Variants in TBC1D5 observed in about 807,000 individuals in gnomAD.
The protein encoded by TBC1D5 is TBC1 domain family member 5, also known as TBC1 domain family, member 5.
A neutral mutation model predicts 100.3 loss-of-function variants in TBC1D5; 75 were observed. That is an observed-to-expected ratio of 0.75 (90% CI 0.62 to 0.91). The LOEUF (loss-of-function observed/expected upper bound fraction) is 0.91. Among genes scored for constraint, TBC1D5 ranks in the 40% least tolerant of loss-of-function variants. The pLI is 0.00. For synonymous variants in TBC1D5, 323 were observed against 325.6 expected, an observed-to-expected ratio of 0.99 and a Z score of 0.09; for missense variants, 910 against 942.4, an observed-to-expected ratio of 0.97 and a Z score of 0.45.
At chr3:17,467,088 C>T (rs1280798808) in intron 3 of TBC1D5, among the ~76,000 whole-genome samples, 1 of 151,966 alleles carries the variant, frequency 6.6e-6, no homozygotes, top group East Asian at 1.9e-4. Flanking sequence ...AGAAACCCGT[C>T]AAGAGTTCTC....
chr3:17,394,089 G>A (rs7642719), intron 8 of TBC1D5, among the ~76,000 whole-genome samples: 62,672 of 151,864 alleles, frequency 0.41, 13,601 homozygotes, highest in Middle Eastern at 0.47. Flanking sequence ...CCTACAGTGC[G>A]CAAAACAACC....
At chr3:17,540,073 T>C (rs1039201458) in intron 2 of TBC1D5, among the ~76,000 whole-genome samples, 1 of 152,324 alleles carries the variant, frequency 6.6e-6, no homozygotes, top group East Asian at 1.9e-4. Flanking sequence ...TAGTTTTGAT[T>C]TGGATTTTCC....
At chr3:17,459,134 A>G (rs888357305) in intron 3 of TBC1D5, among the ~76,000 whole-genome samples, 1 of 152,142 alleles carries the variant, frequency 6.6e-6, no homozygotes, top group Admixed American at 6.5e-5. Context: ...ACCATAGAGG[A>G]TATAAATATA....
intron 2 of TBC1D5, among the ~76,000 whole-genome samples, chr3:17,569,081 G>C (rs2096610605): frequency 6.6e-6 from 1 of 151,770 alleles, no homozygotes; most frequent in Admixed American, 6.6e-5. Flanking sequence ...CACAAAAAGA[G>C]AACAAGGGCA....
chr3:17,668,047 T>A (rs1371801164), intron 1 of TBC1D5, among the ~76,000 whole-genome samples: 1 of 151,216 alleles, frequency 6.6e-6, no homozygotes, highest in African/African-American at 2.4e-5. Flanking sequence ...GTAACAACAT[T>A]CTACATATGA....
intron 17 of TBC1D5, among the ~76,000 whole-genome samples, chr3:17,234,289 TA>T: frequency 6.6e-6 from 1 of 152,206 alleles, no homozygotes; most frequent in African/African-American, 2.4e-5. Context: ...CATGTAAAAA[TA>T]AACCTGTGAA....
intron 17 of TBC1D5, among the ~76,000 whole-genome samples, chr3:17,219,567 C>T (rs2074051069): frequency 6.6e-6 from 1 of 151,738 alleles, no homozygotes; most frequent in Admixed American, 6.6e-5. Flanking sequence ...GATCCTATTC[C>T]ACCATCTGAA....
intron 2 of TBC1D5, among the ~76,000 whole-genome samples, chr3:17,536,414 C>T (rs1052032276): frequency 9.2e-5 from 14 of 152,078 alleles, no homozygotes; most frequent in African/African-American, 3.1e-4. Context: ...CCAACTTATC[C>T]ATTTAAGTGT....
At chr3:17,313,495 A>G (rs566521141) in intron 13 of TBC1D5, among the ~76,000 whole-genome samples, 8 of 152,190 alleles carry the variant, frequency 5.3e-5, no homozygotes, top group Non-Finnish European at 1.2e-4. Context: ...AAAATTGCAT[A>G]TAGAGATTTG....
At chr3:17,464,696 T>C (rs1397810020) in intron 3 of TBC1D5, among the ~76,000 whole-genome samples, 2 of 152,202 alleles carry the variant, frequency 1.3e-5, no homozygotes, top group African/African-American at 4.8e-5. Context: ...TACCATGTGA[T>C]TAAAACCATA....
At chr3:17,531,273 A>G (rs2096220592) in intron 2 of TBC1D5, among the ~76,000 whole-genome samples, 1 of 152,220 alleles carries the variant, frequency 6.6e-6, no homozygotes, top group Admixed American at 6.5e-5. Flanking sequence ...AATCAAACTT[A>G]CAAGGGATGT....
chr3:17,552,197 A>C (rs953922785), intron 2 of TBC1D5, among the ~76,000 whole-genome samples: 2 of 152,242 alleles, frequency 1.3e-5, no homozygotes, highest in African/African-American at 4.8e-5. Context: ...AGAGAGAAAA[A>C]AAAAAAGGTA....
intron 19 of TBC1D5, among the ~76,000 whole-genome samples, chr3:17,178,300 C>T (rs1331106347): frequency 6.6e-6 from 1 of 151,996 alleles, no homozygotes; most frequent in Non-Finnish European, 1.5e-5. Flanking sequence ...CTCCTGACCT[C>T]GTGATCCACC....
chr3:17,699,562 A>T (rs111856569), intron 1 of TBC1D5, among the ~76,000 whole-genome samples: 12 of 147,556 alleles, frequency 8.1e-5, no homozygotes, highest in South Asian at 2.2e-4. Context: ...ATAGATTTTT[A>T]AAATTACCAT....
At chr3:17,574,565 C>T (rs1268621490) in intron 2 of TBC1D5, among the ~76,000 whole-genome samples, 2 of 152,040 alleles carry the variant, frequency 1.3e-5, no homozygotes, top group African/African-American at 2.4e-5. Context: ...AATCCCTTTG[C>T]CTTAGTCTCT....
intron 2 of TBC1D5, among the ~76,000 whole-genome samples, chr3:17,615,904 C>G (rs1185341471): frequency 1.3e-5 from 2 of 152,092 alleles, no homozygotes; most frequent in African/African-American, 4.8e-5. Flanking sequence ...CTTCTCTGAT[C>G]TTAGTTATTT....
intron 13 of TBC1D5, among the ~76,000 whole-genome samples, chr3:17,361,635 A>T (rs2091721653): frequency 1.3e-5 from 2 of 152,224 alleles, no homozygotes; most frequent in Admixed American, 6.5e-5. Flanking sequence ...AAGCAATACA[A>T]ATAACCCATG....
chr3:17,485,172 AT>A (rs1201216643), intron 3 of TBC1D5, among the ~76,000 whole-genome samples: 32 of 152,156 alleles, frequency 2.1e-4, no homozygotes, highest in Non-Finnish European at 7.4e-5. Flanking sequence ...GAATGGGTTT[AT>A]TTTTTTAAAG....
chr3:17,588,789 C>T (rs2096748683), intron 2 of TBC1D5, among the ~76,000 whole-genome samples: 1 of 152,062 alleles, frequency 6.6e-6, no homozygotes, highest in Non-Finnish European at 1.5e-5. Flanking sequence ...CTTCAATCTG[C>T]CAACAATAGT....
Sources: gnomAD v4.1 joint callset for allele counts (sites outside exome capture counted in the v4.1 genomes callset) on GRCh38, gnomAD v4.1.1 for gene constraint, MANE v1.5 for transcripts, NCBI Gene and HGNC (gene_info 2026-07-23, HGNC 2026-07-21) for gene names.